GAB2: variants seen among roughly 807,000 people sequenced by gnomAD.
The protein encoded by GAB2 is GRB2 associated binding protein 2.
GAB2 carries 26 observed loss-of-function variants against 65.5 expected under a neutral mutation model. The observed-to-expected ratio is 0.40, with a 90% CI of 0.29 to 0.55. The LOEUF is 0.55. Ranked by LOEUF, GAB2 falls within the 20% of genes least tolerant of loss-of-function variation. The pLI is 0.53. For missense variants in GAB2, 884 were observed against 875.8 expected, an observed-to-expected ratio of 1.01 and a Z score of -0.12; for synonymous variants, 321 against 329.6, an observed-to-expected ratio of 0.97 and a Z score of 0.28.
intron 1 of GAB2, among the ~76,000 whole-genome samples, chr11:78,325,083 G>A (rs1408366828): frequency 6.6e-6 from 1 of 152,140 alleles, no homozygotes; most frequent in Non-Finnish European, 1.5e-5. Context: ...CATTAAATAT[G>A]TACCTGCACA....
rs1857221693 is a variant in GAB2 at position 78,417,812 on chromosome 11, A to C, written c.-92T>G. Reference sequence around the variant, plus strand: ...CGGCCGGCGGTGCGCAGCTCGCGGGAGGCCAGGGGCGGGGCGGGCGGCCCG... The same window carrying C: ...CGGCCGGCGGTGCGCAGCTCGCGGGCGGCCAGGGGCGGGGCGGGCGGCCCG... On this transcript the variant is annotated 5_prime_UTR_variant, in exon 1 of 10. Coordinates refer to ENST00000361507, the MANE Select transcript of GAB2 (RefSeq NM_080491.3). 1.6e-6 allele frequency: 1 copy of C among 608,300 alleles called. No homozygotes were observed. Among genetic ancestry groups the C allele is most frequent in the South Asian group, 7.0e-5 (1 of 14,266 alleles). The allele number at this position is 608,300 out of a possible 1,614,324, so 37.7% of individuals were successfully genotyped here. A position where few individuals can be genotyped will look rare whatever the true frequency, so the allele number is the denominator to read the frequency against.
chr11:78,409,368 T>C (rs1032359249), intron 1 of GAB2, among the ~76,000 whole-genome samples: 3 of 152,192 alleles, frequency 2.0e-5, no homozygotes, highest in Non-Finnish European at 4.4e-5. Context: ...GCGGATGACC[T>C]GAGGTCAGGA....
intron 1 of GAB2, among the ~76,000 whole-genome samples, chr11:78,351,522 C>T (rs752683147): frequency 6.6e-6 from 1 of 152,132 alleles, no homozygotes; most frequent in Non-Finnish European, 1.5e-5. Flanking sequence ...AATGACCATG[C>T]CCTTCATTTG....
intron 3 of GAB2, among the ~76,000 whole-genome samples, chr11:78,239,290 A>G (rs2134501682): frequency 6.6e-6 from 1 of 152,198 alleles, no homozygotes; most frequent in South Asian, 2.1e-4. Context: ...GCGTGATCTA[A>G]GTTCACTGCA....
At chr11:78,240,591 G>A (rs1338237723) in intron 3 of GAB2, among the ~76,000 whole-genome samples, 4 of 152,038 alleles carry the variant, frequency 2.6e-5, no homozygotes, top group African/African-American at 4.8e-5. Flanking sequence ...TGCCATTCCC[G>A]GGTATTTGCT....
intron 3 of GAB2, among the ~76,000 whole-genome samples, chr11:78,231,277 G>A (rs926507576): frequency 2.0e-5 from 3 of 152,118 alleles, no homozygotes; most frequent in Non-Finnish European, 4.4e-5. Context: ...CTCTTCCAGA[G>A]GCTATAGAGG....
chr11:78,400,617 T>C (rs190633777), intron 1 of GAB2, among the ~76,000 whole-genome samples: 1 of 152,250 alleles, frequency 6.6e-6, no homozygotes, highest in African/African-American at 2.4e-5. Context: ...AGGTGTTTCA[T>C]TAAGGCCAGG....
intron 3 of GAB2, among the ~76,000 whole-genome samples, chr11:78,234,862 T>C (rs1343756472): frequency 6.6e-6 from 1 of 151,898 alleles, no homozygotes; most frequent in Non-Finnish European, 1.5e-5. Context: ...ATACAAAAAT[T>C]AGCCAAGCAT....
chr11:78,296,231 G>T (rs1214211336), intron 1 of GAB2, among the ~76,000 whole-genome samples: 1 of 152,174 alleles, frequency 6.6e-6, no homozygotes, highest in African/African-American at 2.4e-5. Flanking sequence ...GACTGGTAAG[G>T]GTCCTCGGCC....
intron 1 of GAB2, among the ~76,000 whole-genome samples, chr11:78,368,311 T>C (rs1856524941): frequency 6.6e-6 from 1 of 152,248 alleles, no homozygotes; most frequent in South Asian, 2.1e-4. Context: ...ATACTGTTCA[T>C]GAATATGATT....
At chr11:78,250,477 G>A (rs765408840) in intron 2 of GAB2, 77 bp from the exon 3 acceptor site, 171 of 1,307,414 alleles carry the variant, frequency 1.3e-4, no homozygotes, top group Middle Eastern at 3.7e-4. Flanking sequence ...GTCAGAGGAA[G>A]AAAAAAGAGT....
At chr11:78,307,916 G>C (rs973094148) in intron 1 of GAB2, among the ~76,000 whole-genome samples, 2 of 152,158 alleles carry the variant, frequency 1.3e-5, no homozygotes, top group African/African-American at 4.8e-5. Context: ...ATTTTAATCA[G>C]TGGACTGAGT....
chr11:78,272,006 T>C (rs1310246447), intron 2 of GAB2, among the ~76,000 whole-genome samples: 1 of 152,256 alleles, frequency 6.6e-6, no homozygotes, highest in Non-Finnish European at 1.5e-5. Flanking sequence ...CCTGCTGCCA[T>C]CCACGTAAGA....
intron 1 of GAB2, among the ~76,000 whole-genome samples, chr11:78,304,961 G>A (rs1175610251): frequency 6.6e-6 from 1 of 152,156 alleles, no homozygotes; most frequent in Non-Finnish European, 1.5e-5. Context: ...AATCCTTCAA[G>A]ATTCCACTTG....
intron 1 of GAB2, among the ~76,000 whole-genome samples, chr11:78,312,239 G>A (rs1169383089): frequency 2.0e-5 from 3 of 150,926 alleles, no homozygotes; most frequent in Non-Finnish European, 1.5e-5. Context: ...GAAAGTAAGA[G>A]GAAAACAAGA....
Position 78,223,445 on chromosome 11 carries a change from G to A in GAB2, c.1534C>T (p.Pro512Ser), listed in dbSNP as rs767435145. ...TCAGGTTTGAGGTTGCGGTTGACAG[G>A]GGGTGGCTGAATCTCACTTCCTCTG... ...PSRGSEIQPP[P>S]VNRNLKPDRK... The change falls in exon 6 of 10, where the codon CCT becomes TCT. Residue 512 changes from proline (P) to serine (S), a missense_variant. Pro to Ser is a moderately conservative substitution (Grantham distance 74). Coordinates refer to ENST00000361507, the MANE Select transcript of GAB2 (RefSeq NM_080491.3). 4 of 1,578,494 alleles carry A rather than the reference G, an allele frequency of 2.5e-6. No homozygotes were observed. Among genetic ancestry groups the A allele is most frequent in the Non-Finnish European group, 3.4e-6 (4 of 1,160,680 alleles).
intron 1 of GAB2, among the ~76,000 whole-genome samples, chr11:78,367,965 C>G (rs1591068848): frequency 6.6e-6 from 1 of 151,940 alleles, no homozygotes; most frequent in Admixed American, 6.6e-5. Context: ...TACCGGCACC[C>G]GCCACTGCGC....
intron 1 of GAB2, among the ~76,000 whole-genome samples, chr11:78,400,525 T>C (rs1856955464): frequency 6.6e-6 from 1 of 152,250 alleles, no homozygotes; most frequent in Admixed American, 6.5e-5. Flanking sequence ...CTCAGGAACC[T>C]GTATTTCTCA....
Position 78,346,702 on chromosome 11 carries a change from TATATATATATATATATATAA to T in GAB2, c.76-65821_76-65802del, listed in dbSNP as rs1477727550. Among the ~76,000 whole-genome samples the T allele has an allele frequency of 1.4e-3, 136 of 96,736 alleles. 3 individuals are homozygous for T. Among genetic ancestry groups the T allele is most frequent in the African/African-American group, 7.2e-3 (102 of 14,142 alleles). The allele number at this position is 96,736 out of a possible 152,430, so 63.5% of individuals were successfully genotyped here. A position where few individuals can be genotyped will look rare whatever the true frequency, so the allele number is the denominator to read the frequency against. On this transcript the variant is annotated intron_variant, in intron 1 of 9. Transcript: ENST00000361507. ...ATATATATATATATATATATATATA[TATATATATATATATATATAA>T]TTTTTTTTTTTTTTAGGAAAAGAAA...
Sources: gnomAD v4.1 joint callset for allele counts (sites outside exome capture counted in the v4.1 genomes callset) on GRCh38, gnomAD v4.1.1 for gene constraint, MANE v1.5 for transcripts, NCBI Gene and HGNC (gene_info 2026-07-23, HGNC 2026-07-21) for gene names.